Variants in ATF6B observed in about 807,000 individuals in gnomAD.
ATF6B encodes the protein activating transcription factor 6 beta.
A neutral mutation model predicts 83.5 loss-of-function variants in ATF6B; 50 were observed. That is an observed-to-expected ratio of 0.60 (90% confidence interval 0.48 to 0.76). ATF6B has a LOEUF of 0.76. Ranked by LOEUF, ATF6B falls within the 30% of genes least tolerant of loss-of-function variation. ATF6B has a pLI of 0.00. For synonymous variants in ATF6B, 344 were observed against 362.8 expected (o/e 0.95, Z 0.59); for missense variants, 790 against 893.8 (o/e 0.88, Z 1.48).
Position 32,121,311 on chromosome 6 carries a change from A to G in ATF6B, c.516T>C (p.Ser172=). The change falls in exon 6 of 18, where the codon TCT becomes TCC. Residue 172 remains serine (S), a synonymous_variant. Transcript: ENST00000375203. ...QTKIEPVSPC[S]SVNSEASLLS... is the part of the protein sequence containing the mutation. ...GCAGGGAGGCCTCAGAGTTGACGGAAGAACATGGAGAGACAGGTTCTATCT... is the reference window on the plus strand; with the variant it reads ...GCAGGGAGGCCTCAGAGTTGACGGAGGAACATGGAGAGACAGGTTCTATCT... 1 of 1,614,144 alleles carries G rather than the reference A, an allele frequency of 6.2e-7. No homozygotes were observed. Among genetic ancestry groups the G allele is most frequent in the Non-Finnish European group, 8.5e-7 (1 of 1,180,038 alleles).
At position 32,117,332 on chromosome 6, in the gene ATF6B, C is replaced by A. The variant is rs374231631; in HGVS notation, c.1605G>T (p.Gln535His). Residue 535 changes from glutamine to histidine, a missense_variant, in exon 14 of 18, where the codon CAG becomes CAT. Coordinates refer to ENST00000375203, the MANE Select transcript of ATF6B (RefSeq NM_004381.5). The surrounding 1 kb of genome is among the most constrained non-coding windows in gnomAD (Gnocchi z 5.0). ...CAGCCACCCGCCCTACCTGTCTCTC[C>A]TGGGCCCTCTGAGGGATCTTCCTCC... ...RGRRKIPQRA[Q>H]ERQKSQPRKK... is the part of the protein sequence containing the mutation. The A allele has an allele frequency of 4.3e-6, 7 of 1,613,814 alleles. No homozygotes were observed. Among genetic ancestry groups the A allele is most frequent in the Non-Finnish European group, 5.9e-6 (7 of 1,179,890 alleles).
chr6:32,121,109 C>G lies in ATF6B; in HGVS notation c.580G>C (p.Glu194Gln). The G allele has an allele frequency of 6.3e-7, 1 of 1,575,910 alleles. No individual in the cohort carries two copies. The highest frequency in any genetic ancestry group is 1.7e-4 in the Middle Eastern group (1 of 5,826). ...GACTCTGTCTTCACTTCCAGGACCT[C>G]CTCTCCTATAAAAGCCTATGTGGGG... ...DSSSQAFIGE[E>Q]VLEVKTESLS... The change falls in exon 7 of 18, where the codon GAG (glutamate) becomes CAG (glutamine). Residue 194 changes from glutamate to glutamine, a missense_variant. Glu to Gln is a conservative substitution (Grantham distance 29). This residue lies in a region of ATF6B where 253 missense variants were observed against 243.1 expected (regional missense o/e 1.04). Coordinates refer to ENST00000375203, the MANE Select transcript of ATF6B (RefSeq NM_004381.5).
Position 32,116,031 on chromosome 6 carries a change from G to A in ATF6B, c.1883-63C>T. On this transcript the variant is annotated intron_variant, in intron 17 of 17. Transcript: ENST00000375203. The surrounding 1 kb of genome is among the most constrained non-coding windows in gnomAD (Gnocchi z 5.1). ...AGGCAAACAGGGATTGCAGGGAGGAGGGGAGGAGGTCAGAAAAGTAGAGGT... is the reference window on the plus strand; with the variant it reads ...AGGCAAACAGGGATTGCAGGGAGGAAGGGAGGAGGTCAGAAAAGTAGAGGT... 7.5e-7 allele frequency: 1 copy of A among 1,328,788 alleles called. No homozygotes were observed. The highest frequency in any genetic ancestry group is 1.1e-6 in the Non-Finnish European group (1 of 944,794). 82.3% of individuals were successfully genotyped at this position (1,328,788 alleles called of 1,614,324 possible).
chr6:32,126,318 G>A, intron 4 of ATF6B, 66 bp from the exon 5 acceptor site: 4 of 1,563,024 alleles, frequency 2.6e-6, no homozygotes, highest in Non-Finnish European at 3.5e-6. Context: ...GATGTTGACA[G>A]TAAGAGCGAG....
At position 32,118,730 on chromosome 6, in the gene ATF6B, G is replaced by A. The variant is rs755014173; in HGVS notation, c.1244+45C>T. 11 of 1,586,380 alleles carry A rather than the reference G, an allele frequency of 6.9e-6. No homozygotes were observed. The South Asian group carries it at 7.7e-5, about 11-fold the overall frequency. On this transcript the variant is annotated intron_variant, in intron 11 of 17. Coordinates refer to ENST00000375203, the MANE Select transcript of ATF6B (RefSeq NM_004381.5). The surrounding 1 kb of genome is among the most constrained non-coding windows in gnomAD (Gnocchi z 5.2). ...AAGCAGGCAGCTAGGAGGCTGTAAC[G>A]TGGGCTCCACCTGGAAGGTTCTAGT...
Position 32,115,611 on chromosome 6 carries a change from T to C in ATF6B, c.*128A>G, listed in dbSNP as rs1223711459. 1.1e-5 allele frequency: 9 copies of C among 794,178 alleles called. No homozygotes were observed. The East Asian group carries it at 2.1e-4, about 18-fold the overall frequency. The allele number at this position is 794,178 out of a possible 1,614,324, so 49.2% of individuals were successfully genotyped here. On this transcript the variant is annotated 3_prime_UTR_variant, in exon 18 of 18. Coordinates refer to ENST00000375203, the MANE Select transcript of ATF6B (RefSeq NM_004381.5). ...GAACACCCCCACCTCAAATAAGTGC[T>C]TAACCCCCACACCTGCTCTTTCCTT...
intron 3 of ATF6B, 53 bp from the exon 4 acceptor site, chr6:32,127,247 A>G: frequency 6.6e-7 from 1 of 1,513,024 alleles, no homozygotes; most frequent in Non-Finnish European, 9.0e-7. Flanking sequence ...AGAAGAGTCC[A>G]AAAAGTACCC....
At position 32,121,278 on chromosome 6, in the gene ATF6B, G is replaced by A. The variant is rs984794162; in HGVS notation, c.549C>T (p.Ala183=). Residue 183 remains alanine, a synonymous_variant, in exon 6 of 18, where the codon GCC becomes GCT. Transcript: ENST00000375203. ...TGGTGCTCACCTGGCTGGAGGAGTC[G>A]GCTGAGAGCAGGGAGGCCTCAGAGT... is the stretch of plus-strand genomic sequence containing the variant. ...SVNSEASLLS[A]DSSSQAFIGE... 3.7e-6 allele frequency: 6 copies of A among 1,614,048 alleles called. No homozygotes were observed. Among genetic ancestry groups the A allele is most frequent in the East Asian group, 2.2e-5 (1 of 44,880 alleles).
chr6:32,120,062 GCT>G, intron 8 of ATF6B, 105 bp from the exon 9 acceptor site: 1 of 1,412,214 alleles, frequency 7.1e-7, no homozygotes, highest in South Asian at 1.4e-5. Context: ...ATGGCTGCAA[GCT>G]CTCTGACAGG....
intron 1 of ATF6B, 37 bp from the exon 2 acceptor site, chr6:32,127,787 GGCCCCAGCCTACAGATCGCACACAA>G (rs776376635): frequency 1.2e-6 from 2 of 1,604,922 alleles, no homozygotes; most frequent in Non-Finnish European, 1.7e-6. Context: ...GTCGTTCGGT[GGCCCCAGCCTACAGATCGCACACAA>G]GCCCCCGCCC....
rs746833827 is a variant in ATF6B at position 32,117,454 on chromosome 6, C to T, written c.1533-50G>A. 1.9e-6 allele frequency: 3 copies of T among 1,605,260 alleles called. No individual in the cohort carries two copies. The Admixed American group carries it at 5.1e-5, about 27-fold the overall frequency. Reference sequence around the variant, plus strand: ...CCTCCATGCCAGGCCAAGATTCCCACCCTCCTTGCCCACCCACAGGAGTGA... The same window carrying T: ...CCTCCATGCCAGGCCAAGATTCCCATCCTCCTTGCCCACCCACAGGAGTGA... On this transcript the variant is annotated intron_variant, in intron 13 of 17. Transcript: ENST00000375203. This position sits in a 1 kb window ranked among gnomAD's most constrained non-coding sequence, Gnocchi z 5.0.
chr6:32,119,259 AC>A lies in ATF6B; in HGVS notation c.967-119del. 8.1e-7 allele frequency: 1 copy of A among 1,231,358 alleles called. No individual in the cohort carries two copies. Among genetic ancestry groups the A allele is most frequent in the Non-Finnish European group, 1.1e-6 (1 of 905,516 alleles). The allele number at this position is 1,231,358 out of a possible 1,614,324, so 76.3% of individuals were successfully genotyped here. On this transcript the variant is annotated intron_variant, in intron 9 of 17. Transcript: ENST00000375203. The surrounding 1 kb of genome is among the most constrained non-coding windows in gnomAD (Gnocchi z 4.9). ...ACATGGCCATTCCCCTGCCTTCCTG[AC>A]CCACCTACATAGCCAGAGAGGTTTT...
intron 5 of ATF6B, among the ~76,000 whole-genome samples, chr6:32,121,998 G>C (rs978705484): frequency 6.6e-6 from 1 of 152,194 alleles, no homozygotes; most frequent in African/African-American, 2.4e-5. Flanking sequence ...AGCAGGGGAA[G>C]TGGCAGGGGG....
At position 32,115,837 on chromosome 6, in the gene ATF6B, G is replaced by A. The variant is rs147655585; in HGVS notation, c.2014C>T (p.Pro672Ser). ...VPPSLRKQPS[P>S]TPGNATGGPL... ...CCACCTGTGGCATTGCCTGGGGTTG[G>A]GGATGGCTGTTTTCGGAGCGAGGGG... Residue 672 changes from proline to serine, a missense_variant, in exon 18 of 18, where the codon CCA (proline) becomes TCA (serine). Transcript: ENST00000375203. The A allele has an allele frequency of 8.2e-5, 132 of 1,614,162 alleles. No homozygotes were observed. In the African/African-American group the frequency reaches 1.7e-3, roughly 21 times the overall value.
Position 32,118,725 on chromosome 6 carries a change from G to T in ATF6B, c.1244+50C>A. 1 of 1,579,048 alleles carries T rather than the reference G, an allele frequency of 6.3e-7. No individual in the cohort carries two copies. The highest frequency in any genetic ancestry group is 8.7e-7 in the Non-Finnish European group (1 of 1,148,952). ...GGCCAAAGCAGGCAGCTAGGAGGCT[G>T]TAACGTGGGCTCCACCTGGAAGGTT... On this transcript the variant is annotated intron_variant, in intron 11 of 17. Coordinates refer to ENST00000375203, the MANE Select transcript of ATF6B (RefSeq NM_004381.5). This position sits in a 1 kb window ranked among gnomAD's most constrained non-coding sequence, Gnocchi z 5.2.
chr6:32,123,227 CAAAAAAAAAAAAA>C (rs9279489), intron 5 of ATF6B, among the ~76,000 whole-genome samples: 4 of 58,932 alleles, frequency 6.8e-5, no homozygotes, highest in African/African-American at 2.3e-4. Flanking sequence ...AACTCTGTCT[CAAAAAAAAAAAAA>C]AAAAAAAAAA....
Position 32,119,738 on chromosome 6 carries a change from C to A in ATF6B, c.966+86G>T. 1 of 1,552,606 alleles carries A rather than the reference C, an allele frequency of 6.4e-7. No individual in the cohort carries two copies. Among genetic ancestry groups the A allele is most frequent in the Non-Finnish European group, 8.7e-7 (1 of 1,144,708 alleles). On this transcript the variant is annotated intron_variant, in intron 9 of 17. Transcript: ENST00000375203. The surrounding 1 kb of genome is among the most constrained non-coding windows in gnomAD (Gnocchi z 4.9). ...CTTTTTTCTCCTAGGTATCGACTCCCTCCTCATCCCACAGTTCTCTCTATG... is the reference window on the plus strand; with the variant it reads ...CTTTTTTCTCCTAGGTATCGACTCCATCCTCATCCCACAGTTCTCTCTATG...
Position 32,118,681 on chromosome 6 carries a change from A to C in ATF6B, c.1244+94T>G. On this transcript the variant is annotated intron_variant, in intron 11 of 17. Coordinates refer to ENST00000375203, the MANE Select transcript of ATF6B (RefSeq NM_004381.5). This position sits in a 1 kb window ranked among gnomAD's most constrained non-coding sequence, Gnocchi z 5.2. ...AGGACACCAGAACCATTTGTATATA[A>C]GCAGAAGGAAATGGCCTGGGCCAAA... is the stretch of plus-strand genomic sequence containing the variant. 3.2e-6 allele frequency: 4 copies of C among 1,265,124 alleles called. No individual in the cohort carries two copies. Among genetic ancestry groups the C allele is most frequent in the East Asian group, 2.3e-5 (1 of 42,578 alleles). The allele number at this position is 1,265,124 out of a possible 1,614,324, so 78.4% of individuals were successfully genotyped here. A position where few individuals can be genotyped will look rare whatever the true frequency, so the allele number is the denominator to read the frequency against.
At position 32,121,042 on chromosome 6, in the gene ATF6B, G is replaced by A; in HGVS notation, c.647C>T (p.Pro216Leu). 1.3e-6 allele frequency: 2 copies of A among 1,551,176 alleles called. No homozygotes were observed. The highest frequency in any genetic ancestry group is 2.0e-5 in the Admixed American group (1 of 49,198). The stretch of plus-strand genomic sequence containing the variant: ...GCTGATCTGGACAGCTCCAAGTGAG[G>A]GGGCTGGGACATCCCACAGGAGGCA... ...SGCLLWDVPAPSLGAVQISMG... is the reference protein window; with the variant it reads ...SGCLLWDVPALSLGAVQISMG... Residue 216 changes from proline to leucine, a missense_variant, in exon 7 of 18, where the codon CCC becomes CTC. Around this residue, in one of 3 missense-constraint regions of ATF6B, gnomAD observed 530 missense variants for 632.6 expected, o/e 0.84. Coordinates refer to ENST00000375203, the MANE Select transcript of ATF6B (RefSeq NM_004381.5).
Sources: allele counts gnomAD v4.1 joint callset (sites outside exome capture counted in the v4.1 genomes callset), GRCh38; gene constraint gnomAD v4.1.1; regional missense constraint gnomAD v4.1.1; non-coding constraint Gnocchi (gnomAD v3.1); transcripts MANE v1.5; gene names NCBI Gene and HGNC (gene_info 2026-07-23, HGNC 2026-07-21).